Variants in TANGO2 observed in about 807,000 individuals in gnomAD.
The protein encoded by TANGO2 is transport and golgi organization 2 homolog, also known as transport and Golgi organization protein 2 homolog.
TANGO2 carries 26 observed loss-of-function variants against 39.1 expected under a neutral mutation model. The observed-to-expected ratio is 0.67, with a 90% confidence interval of 0.49 to 0.92. TANGO2 has a LOEUF of 0.92. TANGO2 is among the 40% of genes least tolerant of loss of function. The pLI is 0.00. For missense variants in TANGO2, 326 were observed against 360.1 expected (o/e 0.91, Z 0.77); for synonymous variants, 131 against 144.5 (o/e 0.91, Z 0.67).
At chr22:20,052,416 G>A in intron 3 of TANGO2, 49 bp from the exon 4 acceptor site, 1 of 1,561,294 alleles carries the variant, frequency 6.4e-7, no homozygotes, top group Non-Finnish European at 8.7e-7. Flanking sequence ...ACCAGGTGGG[G>A]GACTGGAATG....
chr22:20,048,925 G>A (rs752859496), intron 3 of TANGO2, among the ~76,000 whole-genome samples: 5 of 152,194 alleles, frequency 3.3e-5, no homozygotes, highest in Admixed American at 6.5e-5. Context: ...GATTACAGGC[G>A]TGAGCCACTG....
chr22:20,052,469 G>A lies in TANGO2; in HGVS notation c.150G>A (p.Leu50=), dbSNP rs756140260. 6.2e-7 allele frequency: 1 copy of A among 1,600,448 alleles called. No homozygotes were observed. The highest frequency in any genetic ancestry group is 1.3e-5 in the African/African-American group (1 of 74,886). Residue 50 remains leucine (L), a synonymous_variant, in exon 4 of 9, where the codon CTG becomes CTA. Coordinates refer to ENST00000327374, the MANE Select transcript of TANGO2 (RefSeq NM_152906.7). The part of the protein sequence containing the change: ...WGNNNEILSG[L]DMEEGKEGGT... ...TAACACTGTCATCTGCCACAGGGCTGGACATGGAGGAAGGCAAGGAAGGAG... is the reference window on the plus strand; with the variant it reads ...TAACACTGTCATCTGCCACAGGGCTAGACATGGAGGAAGGCAAGGAAGGAG...
chr22:20,052,865 G>A (rs1483978204), intron 4 of TANGO2, among the ~76,000 whole-genome samples: 1 of 152,174 alleles, frequency 6.6e-6, no homozygotes, highest in Non-Finnish European at 1.5e-5. Context: ...CCCGTGGCAG[G>A]TGGGTGGCTT....
At chr22:20,043,302 A>T in intron 2 of TANGO2, 53 bp from the exon 3 acceptor site, 2 of 1,363,464 alleles carry the variant, frequency 1.5e-6, no homozygotes, top group South Asian at 2.4e-5. Flanking sequence ...AGAGAAAAAG[A>T]CTTGGCTCGC....
chr22:20,026,504 C>A (rs549818752), intron 1 of TANGO2, among the ~76,000 whole-genome samples: 9 of 152,302 alleles, frequency 5.9e-5, no homozygotes, highest in African/African-American at 2.2e-4. Flanking sequence ...CGGGACATGA[C>A]TGCTGTACAG....
chr22:20,061,747 A>G, intron 7 of TANGO2, 64 bp downstream of exon 7: 1 of 1,476,874 alleles, frequency 6.8e-7, no homozygotes, highest in East Asian at 2.6e-5. Context: ...AGGGAAAGGC[A>G]GGCCCTGCTG....
chr22:20,037,442 C>G (rs916458941), intron 2 of TANGO2, among the ~76,000 whole-genome samples: 1 of 152,186 alleles, frequency 6.6e-6, no homozygotes, highest in African/African-American at 2.4e-5. Flanking sequence ...GAGATATAAC[C>G]CACATCTAAA....
chr22:20,050,509 G>A (rs2046126929), intron 3 of TANGO2, among the ~76,000 whole-genome samples: 1 of 149,124 alleles, frequency 6.7e-6, no homozygotes, highest in Non-Finnish European at 1.5e-5. Flanking sequence ...AACTACAGGT[G>A]CCTGCCACCA....
At chr22:20,021,932 A>G (rs778934149) in intron 1 of TANGO2, among the ~76,000 whole-genome samples, 2 of 152,234 alleles carry the variant, frequency 1.3e-5, no homozygotes, top group Non-Finnish European at 2.9e-5. Flanking sequence ...CCTGGGCCTC[A>G]GGCCCCCTTC....
chr22:20,045,918 G>A lies in TANGO2; in HGVS notation c.145+2475G>A, dbSNP rs962943911. Among the ~76,000 whole-genome samples, 11 of 151,710 alleles carry A rather than the reference G, an allele frequency of 7.3e-5. No homozygotes were observed. In the East Asian group the frequency reaches 7.7e-4, roughly 11 times the overall value. ...CCCACACCTCTGCGATGCTCTCTGC[G>A]TACTTTTCTCGGTGCCCCTAGATCT... On this transcript the variant is annotated intron_variant, in intron 3 of 8. Coordinates refer to ENST00000327374, the MANE Select transcript of TANGO2 (RefSeq NM_152906.7).
chr22:20,044,028 G>C (rs750116618), intron 3 of TANGO2, among the ~76,000 whole-genome samples: 2 of 152,134 alleles, frequency 1.3e-5, no homozygotes, highest in African/African-American at 2.4e-5. Context: ...AGTCCTGTTG[G>C]ACAGGAACCA....
intron 1 of TANGO2, among the ~76,000 whole-genome samples, chr22:20,036,318 G>C (rs142454201): frequency 1.9e-4 from 29 of 152,316 alleles, no homozygotes; most frequent in African/African-American, 7.0e-4. Flanking sequence ...GTGCCTGTCT[G>C]ACACCTGATC....
intron 5 of TANGO2, chr22:20,054,285 G>T (rs2046949491): frequency 1.2e-5 from 2 of 160,628 alleles, no homozygotes; most frequent in South Asian, 3.4e-4. Context: ...GAAGGCCGAG[G>T]GCTGGTGCGG....
At chr22:20,053,339 A>C (rs774514111) in intron 4 of TANGO2, 98 bp from the exon 5 acceptor site, 1 of 765,966 alleles carries the variant, frequency 1.3e-6, no homozygotes, top group African/African-American at 1.7e-5. Flanking sequence ...GGGACCCCTC[A>C]TCTTCCTGCA....
chr22:20,056,605 G>A, intron 6 of TANGO2: 1 of 456,650 alleles, frequency 2.2e-6, no homozygotes, highest in Non-Finnish European at 4.4e-6. Flanking sequence ...CTCGGGTGCT[G>A]CGATTTCCTG....
At chr22:20,046,965 T>C (rs2045336476) in intron 3 of TANGO2, among the ~76,000 whole-genome samples, 1 of 152,162 alleles carries the variant, frequency 6.6e-6, no homozygotes, top group Admixed American at 6.6e-5. Context: ...CAGCATCTGC[T>C]TCTGATGCAG....
chr22:20,061,512 G>T lies in TANGO2; in HGVS notation c.452-18G>T. On this transcript the variant is annotated intron_variant, in intron 6 of 8. Coordinates refer to ENST00000327374, the MANE Select transcript of TANGO2 (RefSeq NM_152906.7). ...GCACAGCAGGGCCTCTGCATGGCCC[G>T]CTGATTGCTCCTCACAGGCACCTAC... 1 of 1,590,516 alleles carries T rather than the reference G, an allele frequency of 6.3e-7. No homozygotes were observed. The highest frequency in any genetic ancestry group is 8.6e-7 in the Non-Finnish European group (1 of 1,168,112).
chr22:20,056,974 C>T, intron 6 of TANGO2: 2 of 456,142 alleles, frequency 4.4e-6, no homozygotes, highest in Non-Finnish European at 8.8e-6. Context: ...CACCCACACC[C>T]CTCTGTGAGG....
At position 20,043,377 on chromosome 22, in the gene TANGO2, G is replaced by GA. The variant is rs1411775209; in HGVS notation, c.80dup (p.Asp27GlufsTer2). 6.2e-7 allele frequency: 1 copy of GA among 1,613,518 alleles called. No individual in the cohort carries two copies. The highest frequency in any genetic ancestry group is 8.5e-7 in the Non-Finnish European group (1 of 1,179,574). On this transcript the variant is annotated frameshift_variant, in exon 3 of 9. Transcript: ENST00000327374. LOFTEE classifies it high-confidence loss of function. ...CAGGCTCATCTTGGCAGCCAACAGGGATGAATTCTACAGCCGACCCTCCAA... is the reference window on the plus strand; with the variant it reads ...CAGGCTCATCTTGGCAGCCAACAGGGAATGAATTCTACAGCCGACCCTCCAA...
Sources: gnomAD v4.1 joint callset for allele counts (sites outside exome capture counted in the v4.1 genomes callset) on GRCh38, gnomAD v4.1.1 for gene constraint, MANE v1.5 for transcripts, NCBI Gene and HGNC (gene_info 2026-07-23, HGNC 2026-07-21) for gene names.